Variants in DOCK3 observed in about 807,000 individuals in gnomAD.
DOCK3 encodes dedicator of cytokinesis protein 3.
DOCK3 carries 60 observed loss-of-function variants against 265.6 expected under a neutral mutation model. The ratio of observed to expected loss-of-function variants is 0.23; its 90% CI spans 0.18 to 0.28. The LOEUF (loss-of-function observed/expected upper bound fraction) is 0.28. Among genes scored for constraint, DOCK3 ranks in the 10% least tolerant of loss-of-function variants. The pLI is 1.00. For synonymous variants in DOCK3, 881 were observed against 938.0 expected, an observed-to-expected ratio of 0.94 and a Z score of 1.11; for missense variants, 1,981 against 2,594.3, an observed-to-expected ratio of 0.76 and a Z score of 5.14.
At chr3:50,708,587 C>T (rs372037005) in intron 1 of DOCK3, among the ~76,000 whole-genome samples, 17 of 152,188 alleles carry the variant, frequency 1.1e-4, no homozygotes, top group Non-Finnish European at 4.4e-5. Context: ...ATGTAGGACC[C>T]GGCAGTAATG....
rs772381915 is a variant in DOCK3 at position 51,356,372 on chromosome 3, C to T, written c.4417-35C>T. 23 of 1,613,062 alleles carry T rather than the reference C, an allele frequency of 1.4e-5. No individual in the cohort carries two copies. In the African/African-American group the frequency reaches 1.9e-4, roughly 13 times the overall value. On this transcript the variant is annotated intron_variant, in intron 42 of 52. Transcript: ENST00000266037. ...GTAGGCAGGGTGTGGCAAAACTTGC[C>T]TAACTGCCCATACCTGCCTGTTCCC...
chr3:50,979,396 T>A (rs961566231), intron 5 of DOCK3, among the ~76,000 whole-genome samples: 1 of 152,142 alleles, frequency 6.6e-6, no homozygotes, highest in Non-Finnish European at 1.5e-5. Flanking sequence ...TGGGAGGTGT[T>A]TGGGTCATGG....
At chr3:51,266,735 T>C (rs561774692) in intron 23 of DOCK3, among the ~76,000 whole-genome samples, 281 of 151,866 alleles carry the variant, frequency 1.9e-3, no homozygotes, top group Non-Finnish European at 2.6e-3. Flanking sequence ...TACAAGAAAA[T>C]CTAGGCAATA....
chr3:50,880,224 A>G (rs1006232063), intron 3 of DOCK3, among the ~76,000 whole-genome samples: 3 of 152,224 alleles, frequency 2.0e-5, no homozygotes, highest in Non-Finnish European at 2.9e-5. Flanking sequence ...TGAAAGAACT[A>G]GAGAAGCAAG....
At chr3:51,330,753 A>G (rs2084464791) in intron 33 of DOCK3, among the ~76,000 whole-genome samples, 1 of 152,162 alleles carries the variant, frequency 6.6e-6, no homozygotes, top group Admixed American at 6.5e-5. Context: ...CCTCCATTCC[A>G]TGGTTTCTGG....
intron 3 of DOCK3, among the ~76,000 whole-genome samples, chr3:50,883,347 AT>A (rs1222109322): frequency 4.6e-5 from 7 of 152,308 alleles, no homozygotes; most frequent in Admixed American, 2.0e-4. Context: ...ATAAAAAAAA[AT>A]GTTTGCTTCA....
At chr3:51,254,199 A>G (rs894093280) in intron 22 of DOCK3, among the ~76,000 whole-genome samples, 2 of 152,152 alleles carry the variant, frequency 1.3e-5, no homozygotes, top group African/African-American at 4.8e-5. Context: ...CTTAGTCGTG[A>G]GTTCTAGTTT....
intron 10 of DOCK3, among the ~76,000 whole-genome samples, chr3:51,148,005 G>T (rs890534677): frequency 3.9e-5 from 6 of 152,162 alleles, no homozygotes; most frequent in Non-Finnish European, 8.8e-5. Flanking sequence ...AGCACCTGTT[G>T]CTTCCTGACT....
chr3:50,814,746 A>T (rs1281695643), intron 2 of DOCK3, among the ~76,000 whole-genome samples: 1 of 151,980 alleles, frequency 6.6e-6, no homozygotes, highest in Non-Finnish European at 1.5e-5. Context: ...CAGAAGTCAA[A>T]TTTTTTTAGT....
At chr3:50,734,130 C>G (rs2038408504) in intron 1 of DOCK3, among the ~76,000 whole-genome samples, 1 of 152,192 alleles carries the variant, frequency 6.6e-6, no homozygotes, top group African/African-American at 2.4e-5. Context: ...ATTCCACTGT[C>G]TCTCTGTCTA....
At chr3:51,068,866 T>C (rs1378574956) in intron 6 of DOCK3, among the ~76,000 whole-genome samples, 2 of 152,196 alleles carry the variant, frequency 1.3e-5, no homozygotes, top group Admixed American at 1.3e-4. Flanking sequence ...CTGAGTAATA[T>C]TCAGTTAGAA....
At chr3:50,887,111 G>A (rs531903446) in intron 3 of DOCK3, among the ~76,000 whole-genome samples, 4 of 152,086 alleles carry the variant, frequency 2.6e-5, no homozygotes, top group African/African-American at 9.6e-5. Context: ...TTGATAGACT[G>A]CTAGCAAGAC....
chr3:50,762,572 A>G (rs1310403648), intron 1 of DOCK3, among the ~76,000 whole-genome samples: 1 of 152,156 alleles, frequency 6.6e-6, no homozygotes. Context: ...CAATATTCCT[A>G]CTAAAGATCT....
intron 9 of DOCK3, among the ~76,000 whole-genome samples, chr3:51,130,296 A>T (rs563896513): frequency 6.6e-5 from 10 of 152,354 alleles, no homozygotes; most frequent in South Asian, 4.1e-4. Flanking sequence ...TCTCCAAATA[A>T]GGTTATGACA....
At chr3:50,884,677 C>T (rs758753284) in intron 3 of DOCK3, among the ~76,000 whole-genome samples, 4 of 151,408 alleles carry the variant, frequency 2.6e-5, no homozygotes, top group Non-Finnish European at 4.4e-5. Context: ...TGAATGTGTA[C>T]GTTTATGTCT....
chr3:50,983,663 G>T (rs2077785305), intron 5 of DOCK3, among the ~76,000 whole-genome samples: 1 of 152,090 alleles, frequency 6.6e-6, no homozygotes, highest in Non-Finnish European at 1.5e-5. Flanking sequence ...CTGTTCTATT[G>T]CCCAATAAAG....
chr3:50,698,541 T>TTTTTTTTTTTTTTTTTTTTTTTTTTTTTC (rs2035819295), intron 1 of DOCK3, among the ~76,000 whole-genome samples: 1 of 131,078 alleles, frequency 7.6e-6, no homozygotes, highest in Non-Finnish European at 1.6e-5. Context: ...TTTTTTTTTT[T>TTTTTTTTTTTTTTTTTTTTTTTTTTTTTC]TGCTATATAC....
At position 50,717,237 on chromosome 3, in the gene DOCK3, C is replaced by G. The variant is rs937427185; in HGVS notation, c.37+41937C>G. On this transcript the variant is annotated intron_variant, in intron 1 of 52. Transcript: ENST00000266037. ...ATATACTTGCCGATCCTCATTTACA[C>G]TTGTGCAAATATACCTGTAAGATAA... 3.3e-5 allele frequency among the ~76,000 whole-genome samples: 5 copies of G among 152,342 alleles called. No individual in the cohort carries two copies. In the South Asian group the frequency reaches 1.0e-3, roughly 32 times the overall value.
intron 5 of DOCK3, among the ~76,000 whole-genome samples, chr3:50,978,236 CCA>C (rs2077544967): frequency 1.3e-5 from 2 of 149,464 alleles, no homozygotes; most frequent in Non-Finnish European, 3.0e-5. Context: ...TTTAGAGTTT[CCA>C]GTTTTTCTGT....
Sources: allele counts gnomAD v4.1 joint callset (sites outside exome capture counted in the v4.1 genomes callset), GRCh38; gene constraint gnomAD v4.1.1; transcripts MANE v1.5; gene names NCBI Gene and HGNC (gene_info 2026-07-23, HGNC 2026-07-21).